Variants in SETBP1 observed in about 807,000 individuals in gnomAD.
The protein encoded by SETBP1 is SET-binding protein.
SETBP1 carries 9 observed loss-of-function variants against 101.0 expected under a neutral mutation model. The ratio of observed to expected loss-of-function variants is 0.09; its 90% CI spans 0.05 to 0.16. SETBP1 has a LOEUF of 0.16. Ranked by LOEUF, SETBP1 falls within the 10% of genes least tolerant of loss-of-function variation. SETBP1 has a pLI of 1.00. For missense variants in SETBP1, 1,858 were observed against 2,033.8 expected (o/e 0.91, Z 1.66); for synonymous variants, 818 against 788.5 (o/e 1.04, Z -0.63).
chr18:44,916,711 ACTATGTCAGAAAAT>A (rs1716350182), intron 3 of SETBP1, among the ~76,000 whole-genome samples: 1 of 152,182 alleles, frequency 6.6e-6, no homozygotes, highest in South Asian at 2.1e-4. Context: ...TGAGTCCTAA[ACTATGTCAGAAAAT>A]CTATATTTAA....
chr18:45,017,705 A>G (rs2072977017), intron 4 of SETBP1, among the ~76,000 whole-genome samples: 1 of 152,214 alleles, frequency 6.6e-6, no homozygotes, highest in Non-Finnish European at 1.5e-5. Context: ...CATTATGACC[A>G]GTGACTTTTA....
At chr18:44,926,350 A>G (rs1368648540) in intron 3 of SETBP1, among the ~76,000 whole-genome samples, 1 of 152,142 alleles carries the variant, frequency 6.6e-6, no homozygotes, top group Non-Finnish European at 1.5e-5. Flanking sequence ...AAGGCCTAAT[A>G]CATCTAAAGC....
At chr18:45,047,638 G>A (rs1371067563) in intron 5 of SETBP1, among the ~76,000 whole-genome samples, 2 of 152,138 alleles carry the variant, frequency 1.3e-5, no homozygotes, top group African/African-American at 2.4e-5. Flanking sequence ...AGGAGTAGGG[G>A]GTGGCAGGGC....
intron 2 of SETBP1, among the ~76,000 whole-genome samples, chr18:44,846,935 G>C (rs1277599072): frequency 6.6e-6 from 1 of 152,172 alleles, no homozygotes; most frequent in Non-Finnish European, 1.5e-5. Context: ...TGGGGCTGAG[G>C]CTGGGAGTGC....
At chr18:44,745,688 G>A (rs1284199430) in intron 2 of SETBP1, among the ~76,000 whole-genome samples, 2 of 152,190 alleles carry the variant, frequency 1.3e-5, no homozygotes, top group African/African-American at 4.8e-5. Flanking sequence ...GCAGGGTTCA[G>A]ACTCTGTCTT....
At chr18:44,749,493 G>A (rs1359457889) in intron 2 of SETBP1, among the ~76,000 whole-genome samples, 1 of 152,128 alleles carries the variant, frequency 6.6e-6, no homozygotes, top group Non-Finnish European at 1.5e-5. Context: ...CCAGACCCTG[G>A]GAGATGGAGC....
chr18:44,745,368 G>A (rs772546764), intron 2 of SETBP1, among the ~76,000 whole-genome samples: 1 of 152,134 alleles, frequency 6.6e-6, no homozygotes, highest in Non-Finnish European at 1.5e-5. Flanking sequence ...AAAACGCTGC[G>A]GGGCTAGGGG....
At chr18:45,043,434 A>G (rs2073550539) in intron 5 of SETBP1, among the ~76,000 whole-genome samples, 2 of 148,136 alleles carry the variant, frequency 1.4e-5, no homozygotes, top group African/African-American at 2.5e-5. Flanking sequence ...TCTTAAGTCC[A>G]AGGAGAAAAA....
chr18:44,980,329 C>G (rs2072084504), intron 4 of SETBP1, among the ~76,000 whole-genome samples: 1 of 152,188 alleles, frequency 6.6e-6, no homozygotes, highest in East Asian at 1.9e-4. Flanking sequence ...CGTCTTGTCA[C>G]AAACCATGGT....
At chr18:44,995,532 TG>T (rs1843284586) in intron 4 of SETBP1, among the ~76,000 whole-genome samples, 56 of 72,848 alleles carry the variant, frequency 7.7e-4, no homozygotes, top group African/African-American at 2.4e-3. Context: ...CAGGCTTTTG[TG>T]TGTGTGTGTG....
intron 2 of SETBP1, chr18:44,733,103 G>A (rs2069874413): frequency 6.6e-6 from 1 of 152,212 alleles, no homozygotes; most frequent in African/African-American, 2.4e-5. Context: ...AAGGTGTAGG[G>A]ATCTTAGAGA....
intron 4 of SETBP1, among the ~76,000 whole-genome samples, chr18:45,003,176 T>C (rs1388643231): frequency 2.6e-5 from 4 of 152,148 alleles, no homozygotes; most frequent in Non-Finnish European, 5.9e-5. Context: ...AAAACCCTCA[T>C]CCTCTGAGAA....
chr18:44,684,450 CT>C (rs1171649074), intron 1 of SETBP1, among the ~76,000 whole-genome samples: 2 of 152,134 alleles, frequency 1.3e-5, no homozygotes, highest in Non-Finnish European at 2.9e-5. Flanking sequence ...TGATGCCCCC[CT>C]GAGATACATC....
At chr18:44,697,538 G>A (rs1254418174) in intron 1 of SETBP1, among the ~76,000 whole-genome samples, 1 of 152,204 alleles carries the variant, frequency 6.6e-6, no homozygotes, top group Non-Finnish European at 1.5e-5. Flanking sequence ...GTCAGAGGGC[G>A]AAGCCATTTT....
intron 2 of SETBP1, among the ~76,000 whole-genome samples, chr18:44,815,148 A>AT (rs1444545616): frequency 6.6e-6 from 1 of 152,226 alleles, no homozygotes; most frequent in Non-Finnish European, 1.5e-5. Context: ...CAAGCACCTG[A>AT]TAAGCTCTTA....
chr18:44,800,307 G>A (rs1010883908), intron 2 of SETBP1, among the ~76,000 whole-genome samples: 1 of 152,086 alleles, frequency 6.6e-6, no homozygotes, highest in Non-Finnish European at 1.5e-5. Context: ...TGATGCTTCT[G>A]CTTTCACTTT....
chr18:44,911,957 A>ACT (rs1053532835), intron 3 of SETBP1, among the ~76,000 whole-genome samples: 3 of 151,928 alleles, frequency 2.0e-5, no homozygotes, highest in Non-Finnish European at 4.4e-5. Flanking sequence ...ACACACACAC[A>ACT]CATAGGCACA....
chr18:44,910,801 C>T (rs1281601759), intron 3 of SETBP1, among the ~76,000 whole-genome samples: 1 of 152,168 alleles, frequency 6.6e-6, no homozygotes, highest in East Asian at 1.9e-4. Flanking sequence ...TTTTAGCTCT[C>T]CTCTAGTGCC....
chr18:44,890,566 A>G (rs1289943016), intron 3 of SETBP1, among the ~76,000 whole-genome samples: 1 of 152,088 alleles, frequency 6.6e-6, no homozygotes, highest in Admixed American at 6.6e-5. Context: ...TATTATTAAA[A>G]CAAATATGCC....
Sources: gnomAD v4.1 joint callset for allele counts (sites outside exome capture counted in the v4.1 genomes callset) on GRCh38, gnomAD v4.1.1 for gene constraint, MANE v1.5 for transcripts, NCBI Gene and HGNC (gene_info 2026-07-23, HGNC 2026-07-21) for gene names.